Variants in GSE1 observed in about 807,000 individuals in gnomAD.
GSE1 encodes the protein genetic suppressor element 1.
In GSE1, 32 loss-of-function variants were observed where a neutral mutation model predicts 112.6. That is an observed-to-expected ratio of 0.28 (90% CI 0.21 to 0.38). The LOEUF is 0.38. GSE1 is among the 10% of genes least tolerant of loss of function. GSE1 has a pLI of 1.00. For missense variants in GSE1, 2,348 were observed against 1,699.2 expected (o/e 1.38, Z -6.71); for synonymous variants, 1,115 against 735.6 (o/e 1.52, Z -8.35).
At chr16:85,370,957 CG>C (rs2047285545) in intron 2 of GSE1, among the ~76,000 whole-genome samples, 1 of 152,144 alleles carries the variant, frequency 6.6e-6, no homozygotes, top group South Asian at 2.1e-4. Context: ...CAGGGTGGGG[CG>C]GAGGCTGGGA....
At chr16:85,403,494 A>C (rs986534193) in intron 2 of GSE1, among the ~76,000 whole-genome samples, 3 of 152,030 alleles carry the variant, frequency 2.0e-5, no homozygotes, top group Admixed American at 1.3e-4. Context: ...GGGAGGGATA[A>C]AATTGACATT....
chr16:85,297,817 T>C (rs2045410849), intron 1 of GSE1, among the ~76,000 whole-genome samples: 1 of 152,182 alleles, frequency 6.6e-6, no homozygotes, highest in African/African-American at 2.4e-5. Context: ...GGCCCTTATC[T>C]TTTGAGTTTT....
intron 2 of GSE1, among the ~76,000 whole-genome samples, chr16:85,438,153 C>A (rs150673079): frequency 1.3e-5 from 2 of 152,292 alleles, no homozygotes; most frequent in African/African-American, 4.8e-5. Context: ...CTGCCTCCCC[C>A]GTCAGTCTGT....
intron 1 of GSE1, among the ~76,000 whole-genome samples, chr16:85,310,039 C>T (rs989965407): frequency 2.0e-5 from 3 of 152,264 alleles, no homozygotes; most frequent in African/African-American, 4.8e-5. Context: ...GCCTGTCAGT[C>T]GGCCCGAGCC....
chr16:85,567,525 G>A (rs983765442), intron 1 of GSE1, among the ~76,000 whole-genome samples: 1 of 152,186 alleles, frequency 6.6e-6, no homozygotes, highest in East Asian at 1.9e-4. Context: ...GCCTCCTCGT[G>A]GCCCCTCAGT....
chr16:85,636,157 C>T (rs1306001136), intron 2 of GSE1, among the ~76,000 whole-genome samples: 9 of 152,234 alleles, frequency 5.9e-5, no homozygotes, highest in Non-Finnish European at 1.2e-4. Flanking sequence ...GAAGGGTCCC[C>T]CATGGTGGAT....
intron 1 of GSE1, among the ~76,000 whole-genome samples, chr16:85,183,126 C>G (rs567026384): frequency 2.6e-4 from 39 of 152,274 alleles, no homozygotes; most frequent in African/African-American, 9.4e-4. Flanking sequence ...CCCTCACCCC[C>G]TCACCGCCAC....
intron 2 of GSE1, among the ~76,000 whole-genome samples, chr16:85,645,796 T>C (rs908925767): frequency 2.6e-5 from 4 of 152,336 alleles, no homozygotes; most frequent in African/African-American, 9.6e-5. Flanking sequence ...GGAAAGGGCA[T>C]CTACCTGCTT....
At chr16:85,537,178 G>A (rs2044359694) in intron 2 of GSE1, among the ~76,000 whole-genome samples, 2 of 152,200 alleles carry the variant, frequency 1.3e-5, no homozygotes, top group Admixed American at 6.5e-5. Flanking sequence ...GGTGACGCAG[G>A]GCCTAAAATC....
chr16:85,595,744 C>G (rs915615696), intron 1 of GSE1: 4 of 151,510 alleles, frequency 2.6e-5, no homozygotes, highest in Non-Finnish European at 5.9e-5. Flanking sequence ...ATCCCCACAC[C>G]CAGCCATTCA....
chr16:85,667,558 G>A (rs1176085477), intron 13 of GSE1, among the ~76,000 whole-genome samples: 1 of 152,228 alleles, frequency 6.6e-6, no homozygotes, highest in Non-Finnish European at 1.5e-5. Context: ...TATAGACCAA[G>A]CTCAAAGAGA....
chr16:85,635,889 C>T (rs534594397), intron 2 of GSE1, among the ~76,000 whole-genome samples: 3 of 152,262 alleles, frequency 2.0e-5, no homozygotes, highest in Non-Finnish European at 2.9e-5. Context: ...TGTTCAGACT[C>T]GCCTTCCCTC....
intron 1 of GSE1, among the ~76,000 whole-genome samples, chr16:85,295,822 C>G (rs1319328331): frequency 6.8e-6 from 1 of 147,326 alleles, no homozygotes; most frequent in Non-Finnish European, 1.5e-5. Context: ...CCAGGCTGAT[C>G]TGGAACTCCT....
intron 1 of GSE1, among the ~76,000 whole-genome samples, chr16:85,178,690 G>T (rs1226336475): frequency 6.6e-6 from 1 of 151,956 alleles, no homozygotes; most frequent in Non-Finnish European, 1.5e-5. Context: ...TGCCCACTGT[G>T]TCCCAGGCAC....
At chr16:85,382,178 C>T (rs1054913450) in intron 2 of GSE1, among the ~76,000 whole-genome samples, 17 of 152,290 alleles carry the variant, frequency 1.1e-4, no homozygotes, top group Admixed American at 1.0e-3. Context: ...CTGCTGGGGC[C>T]CGGGGCTCGC....
intron 2 of GSE1, among the ~76,000 whole-genome samples, chr16:85,403,658 C>T (rs1367768424): frequency 3.3e-5 from 5 of 151,972 alleles, no homozygotes; most frequent in South Asian, 4.2e-4. Context: ...CAAAATTAGC[C>T]GGGTATGGTA....
intron 1 of GSE1, among the ~76,000 whole-genome samples, chr16:85,313,899 A>G (rs141473955): frequency 2.0e-5 from 3 of 151,140 alleles, no homozygotes; most frequent in Non-Finnish European, 4.4e-5. Flanking sequence ...GTGATGTGCT[A>G]CAGCACTAGT....
chr16:85,219,801 T>C (rs1168564750), intron 1 of GSE1, among the ~76,000 whole-genome samples: 1 of 152,250 alleles, frequency 6.6e-6, no homozygotes, highest in African/African-American at 2.4e-5. Context: ...AGCTTTGCTT[T>C]ATGCCCAGTT....
At chr16:85,346,606 T>C (rs1597451388) in intron 1 of GSE1, among the ~76,000 whole-genome samples, 1 of 143,402 alleles carries the variant, frequency 7.0e-6, no homozygotes, top group Admixed American at 6.8e-5. Flanking sequence ...GATGGGTGGA[T>C]GATGGATGGA....
Sources: allele counts gnomAD v4.1 joint callset (sites outside exome capture counted in the v4.1 genomes callset), GRCh38; gene constraint gnomAD v4.1.1; transcripts MANE v1.5; gene names NCBI Gene and HGNC (gene_info 2026-07-23, HGNC 2026-07-21).